GTF3C2: variants seen among roughly 807,000 people sequenced by gnomAD.
The protein encoded by GTF3C2 is general transcription factor IIIC subunit 2.
A neutral mutation model predicts 117.4 loss-of-function variants in GTF3C2; 17 were observed. The ratio of observed to expected loss-of-function variants is 0.14; its 90% CI spans 0.10 to 0.22. The LOEUF is 0.22. GTF3C2 is among the 10% of genes least tolerant of loss of function. The probability of loss-of-function intolerance (pLI) is 1.00; values close to 1 mark genes in which losing one functional copy is unlikely to be tolerated. For synonymous variants in GTF3C2, 437 were observed against 427.0 expected (o/e 1.02, Z -0.29); for missense variants, 888 against 1,143.6 (o/e 0.78, Z 3.22).
rs763889821 is a variant in GTF3C2, at chr2:27,342,004, A to C, written c.799T>G (p.Ser267Ala). The C allele has an allele frequency of 5.0e-6, 8 of 1,614,028 alleles. No homozygotes were observed. The highest frequency in any genetic ancestry group is 6.8e-6 in the Non-Finnish European group (8 of 1,179,960). The change falls in exon 4 of 19, where the codon TCA becomes GCA. Residue 267 changes from serine to alanine, a missense_variant. By Grantham distance (99) the Ser-to-Ala change is moderately conservative. Around this residue, in one of 7 missense-constraint regions of GTF3C2, gnomAD observed 393 missense variants for 401.5 expected, o/e 0.98. Transcript: ENST00000264720. ...GGCACTACAGGCTCAGGTTCAGATG[A>C]GCTCTCACTTGGGCCCTCACTTTCT...
chr2:27,353,471 C>T (rs1681211467), intron 1 of GTF3C2, among the ~76,000 whole-genome samples: 1 of 151,990 alleles, frequency 6.6e-6, no homozygotes, highest in South Asian at 2.1e-4. Context: ...CAGAGTCACG[C>T]TCTGTCTCCC....
At chr2:27,344,331 C>A (rs1680843836) in intron 1 of GTF3C2, among the ~76,000 whole-genome samples, 1 of 152,136 alleles carries the variant, frequency 6.6e-6, no homozygotes, top group Non-Finnish European at 1.5e-5. Flanking sequence ...GGCCATAAAG[C>A]TTCCATTTAT....
At chr2:27,346,339 T>C in intron 1 of GTF3C2, among the ~76,000 whole-genome samples, 1 of 24,110 alleles carries the variant, frequency 4.1e-5, no homozygotes, top group Non-Finnish European at 6.7e-5. Context: ...CCTTTTTTTT[T>C]TTTTTTTTTT....
In GTF3C2 at chr2:27,342,613, A is replaced by G. The variant is rs566438809; in HGVS notation, c.569+213T>C. 6.7e-5 allele frequency: 39 copies of G among 580,832 alleles called. No homozygotes were observed. The East Asian group carries it at 7.9e-4, about 12-fold the overall frequency. The allele number at this position is 580,832 out of a possible 1,614,324, so 36.0% of individuals were successfully genotyped here. On this transcript the variant is annotated intron_variant, in intron 3 of 18. Coordinates refer to ENST00000264720, the Ensembl canonical transcript of GTF3C2. ...GTTTGTGAAAAATGGCATAGGACAT[A>G]AAGTACAGACAATAATTCTTAGATA...
chr2:27,327,995 A>G (rs1042172620), intron 17 of GTF3C2, 42 bp downstream of exon 17: 2 of 1,551,338 alleles, frequency 1.3e-6, no homozygotes, highest in Non-Finnish European at 8.8e-7. Flanking sequence ...AAAGTTTTCT[A>G]CCTTTTCTAA....
chr2:27,346,016 CTTTTTTTTTT>C (rs70953853), intron 1 of GTF3C2, among the ~76,000 whole-genome samples: 3 of 97,910 alleles, frequency 3.1e-5, no homozygotes, highest in Admixed American at 1.1e-4. Context: ...TGCCCCGCCA[CTTTTTTTTTT>C]TTTTTTTTTT....
chr2:27,356,713 C>T (rs910541668), intron 1 of GTF3C2, 26 bp downstream of exon 1: 1 of 152,892 alleles, frequency 6.5e-6, no homozygotes, highest in African/African-American at 2.4e-5. Context: ...GGGCCCCCCA[C>T]ACACCCGCTG....
At chr2:27,356,089 T>C (rs946516156) in intron 1 of GTF3C2, 5 of 1,288,786 alleles carry the variant, frequency 3.9e-6, no homozygotes, top group Non-Finnish European at 5.1e-6. Flanking sequence ...GTCCATACCC[T>C]ATACATCCCT....
Position 27,329,175 on chromosome 2 carries a change from G to T in GTF3C2, c.1985C>A (p.Ala662Asp). Residue 662 changes from alanine (A) to aspartate (D), a missense_variant, in exon 14 of 19, where the codon GCC (alanine) becomes GAC (aspartate). Coordinates refer to ENST00000264720, the Ensembl canonical transcript of GTF3C2. The surrounding 1 kb of genome is among the most constrained non-coding windows in gnomAD (Gnocchi z 4.5). ...GACACCATTGTAGGGAAGCAGCCAG[G>T]CCAGTTCTGTACTCAAGAAGCGCTT... 1 of 1,614,100 alleles carries T rather than the reference G, an allele frequency of 6.2e-7. No individual in the cohort carries two copies. Among genetic ancestry groups the T allele is most frequent in the Non-Finnish European group, 8.5e-7 (1 of 1,179,970 alleles).
intron 1 of GTF3C2, among the ~76,000 whole-genome samples, chr2:27,346,618 T>C (rs991691338): frequency 1.3e-5 from 2 of 151,870 alleles, no homozygotes; most frequent in African/African-American, 4.8e-5. Context: ...AGCAATTCTC[T>C]CAACTTCGTC....
intron 1 of GTF3C2, among the ~76,000 whole-genome samples, chr2:27,346,690 A>T (rs909495210): frequency 6.6e-6 from 1 of 151,366 alleles, no homozygotes; most frequent in Non-Finnish European, 1.5e-5. Context: ...ATTTTTAAAA[A>T]TTAAAAAAAA....
intron 1 of GTF3C2, among the ~76,000 whole-genome samples, chr2:27,354,791 T>C (rs1275708589): frequency 2.0e-5 from 3 of 152,186 alleles, no homozygotes; most frequent in Non-Finnish European, 4.4e-5. Flanking sequence ...TCAGTATACA[T>C]ATATTTATCT....
intron 12 of GTF3C2, among the ~76,000 whole-genome samples, chr2:27,331,167 G>C (rs1230477310): frequency 6.6e-6 from 1 of 152,146 alleles, no homozygotes; most frequent in African/African-American, 2.4e-5. Flanking sequence ...ATCAAGTTTA[G>C]GAATTAAGAA....
Position 27,326,728 on chromosome 2 carries a change from T to TG in GTF3C2, c.2682dup (p.Thr895HisfsTer2), listed in dbSNP as rs1447270241. ...GTTGGAGAGAAGCCAGGCCGTCTAG[T>TG]GGGGGAGGATGGTTGGAACATAGCA... is the stretch of plus-strand genomic sequence containing the variant. On this transcript the variant is annotated frameshift_variant, in exon 19 of 19. Coordinates refer to ENST00000264720, the Ensembl canonical transcript of GTF3C2. LOFTEE classifies it high-confidence loss of function. The TG allele has an allele frequency of 1.9e-6, 3 of 1,613,736 alleles. No homozygotes were observed. Among genetic ancestry groups the TG allele is most frequent in the Non-Finnish European group, 2.5e-6 (3 of 1,179,936 alleles).
At chr2:27,331,701 G>A (rs1680276745) in intron 12 of GTF3C2, among the ~76,000 whole-genome samples, 1 of 152,124 alleles carries the variant, frequency 6.6e-6, no homozygotes, top group Non-Finnish European at 1.5e-5. Flanking sequence ...ACTTTAGGAG[G>A]CTGAGGCAGG....
intron 10 of GTF3C2, 29 bp from the exon 11 acceptor site, chr2:27,334,028 C>A: frequency 6.3e-7 from 1 of 1,587,896 alleles, no homozygotes; most frequent in Non-Finnish European, 8.6e-7. Flanking sequence ...GGAACTAACT[C>A]TATGGATCCC....
chr2:27,331,607 G>A (rs1178946095), intron 12 of GTF3C2, among the ~76,000 whole-genome samples: 2 of 152,132 alleles, frequency 1.3e-5, no homozygotes, highest in East Asian at 2.0e-4. Context: ...TTACCGACAT[G>A]AGCCACCACA....
chr2:27,342,249 G>A lies in GTF3C2; in HGVS notation c.570-16C>T, dbSNP rs1413156149. ...CAGAAGTGCCCTGTGGGAACGGACA[G>A]AGTCAGAGCCATTCTCACATATGAC... On this transcript the variant is annotated splice_polypyrimidine_tract_variant and intron_variant, in intron 3 of 18. Transcript: ENST00000264720. 1.3e-6 allele frequency: 2 copies of A among 1,592,598 alleles called. No individual in the cohort carries two copies. The highest frequency in any genetic ancestry group is 1.7e-6 in the Non-Finnish European group (2 of 1,165,526).
In GTF3C2 at chr2:27,326,694, C is replaced by T. The variant is rs1196204603; in HGVS notation, c.2717G>A (p.Arg906His). 1.3e-5 allele frequency: 21 copies of T among 1,613,632 alleles called. No homozygotes were observed. In the East Asian group the frequency reaches 2.5e-4, roughly 19 times the overall value. ...CCAAGGCTAGGGAGTGGGCAGAAGG[C>T]GATGGCTGGTTGGAGAGAAGCCAGG... The change falls in exon 19 of 19, where the codon CGC (arginine) becomes CAC (histidine). Residue 906 changes from arginine to histidine, a missense_variant. Transcript: ENST00000264720.
Sources: allele counts gnomAD v4.1 joint callset (sites outside exome capture counted in the v4.1 genomes callset), GRCh38; gene constraint gnomAD v4.1.1; regional missense constraint gnomAD v4.1.1; non-coding constraint Gnocchi (gnomAD v3.1); transcripts MANE v1.5; gene names NCBI Gene and HGNC (gene_info 2026-07-23, HGNC 2026-07-21).